PKP2: variants seen among roughly 807,000 people sequenced by gnomAD.
The protein encoded by PKP2 is plakophilin-2.
Under a neutral mutation model 83.4 loss-of-function variants are expected in PKP2, and 73 were observed. That is an observed-to-expected ratio of 0.88 (90% confidence interval 0.72 to 1.06). The LOEUF is 1.06. Ranked by LOEUF, PKP2 falls within the 50% of genes least tolerant of loss-of-function variation. PKP2 has a pLI of 0.00. For synonymous variants in PKP2, 409 were observed against 430.4 expected (o/e 0.95, Z 0.62); for missense variants, 966 against 1,065.4 (o/e 0.91, Z 1.30).
intron 7 of PKP2, 99 bp from the exon 8 acceptor site, chr12:32,822,730 G>C (rs1956394296): frequency 1.5e-6 from 2 of 1,320,746 alleles, no homozygotes; most frequent in Non-Finnish European, 2.2e-6. Flanking sequence ...AGGTTTACCA[G>C]ATGCAACTGG....
At chr12:32,795,150 T>C (rs1392131776) in intron 11 of PKP2, among the ~76,000 whole-genome samples, 2 of 152,114 alleles carry the variant, frequency 1.3e-5, no homozygotes, top group African/African-American at 2.4e-5. Flanking sequence ...AATTAACTAA[T>C]AGTAAATAAT....
chr12:32,873,177 G>A (rs1283566827), intron 3 of PKP2, among the ~76,000 whole-genome samples: 1 of 152,138 alleles, frequency 6.6e-6, no homozygotes, highest in Non-Finnish European at 1.5e-5. Flanking sequence ...ATGGCTGACT[G>A]CAGCCTGGAC....
chr12:32,896,555 C>G lies in PKP2; in HGVS notation c.177G>C (p.Gln59His). ...CCTTCCGGGCGAGGGTCTGCTGCAC[C>G]TGCTCCTGGATCCGCAGGCTCTTGA... ...QTVKSLRIQE[Q>H]VQQTLARKGR... The change falls in exon 1 of 13, where the codon CAG becomes CAC. Residue 59 changes from glutamine (Q) to histidine (H), a missense_variant. Transcript: ENST00000340811. 1 of 1,588,202 alleles carries G rather than the reference C, an allele frequency of 6.3e-7. No individual in the cohort carries two copies. The highest frequency in any genetic ancestry group is 8.5e-7 in the Non-Finnish European group (1 of 1,175,148).
chr12:32,792,451 G>A lies in PKP2; in HGVS notation c.2487C>T (p.Ala829=), dbSNP rs747191995. 1.1e-4 allele frequency: 181 copies of A among 1,613,642 alleles called. No homozygotes were observed. Among genetic ancestry groups the A allele is most frequent in the Non-Finnish European group, 1.5e-4 (178 of 1,179,702 alleles). ...AGTCTTTAAGGGAGTGGTAGGCTTT[G>A]GCAGTCCGGCTGTTGACAAAATCTG... The part of the protein sequence containing the change: ...KKTDFVNSRT[A]KAYHSLKD Residue 829 remains alanine, a synonymous_variant, in exon 13 of 13, where the codon GCC becomes GCT. Transcript: ENST00000340811.
intron 1 of PKP2, among the ~76,000 whole-genome samples, chr12:32,895,025 C>T (rs1480583480): frequency 6.6e-6 from 1 of 152,078 alleles, no homozygotes; most frequent in Admixed American, 6.6e-5. Context: ...TTGTATTAAT[C>T]ATTTTAAAAC....
chr12:32,796,842 G>A (rs531578846), intron 10 of PKP2, among the ~76,000 whole-genome samples: 2 of 152,256 alleles, frequency 1.3e-5, no homozygotes, highest in African/African-American at 4.8e-5. Flanking sequence ...TAATTTGGCA[G>A]AAATGTCAAG....
intron 1 of PKP2, among the ~76,000 whole-genome samples, chr12:32,881,093 G>A (rs1413589743): frequency 6.6e-6 from 1 of 152,166 alleles, no homozygotes; most frequent in Non-Finnish European, 1.5e-5. Flanking sequence ...CATTCAAGGG[G>A]AGGGAGAATG....
intron 6 of PKP2, among the ~76,000 whole-genome samples, chr12:32,836,179 C>T (rs1011570443): frequency 3.3e-5 from 5 of 152,176 alleles, no homozygotes; most frequent in Admixed American, 2.0e-4. Flanking sequence ...ATGGTTATCC[C>T]TATTGCAAAA....
chr12:32,829,881 G>A (rs1401762051), intron 6 of PKP2, among the ~76,000 whole-genome samples: 3 of 151,936 alleles, frequency 2.0e-5, no homozygotes, highest in South Asian at 4.2e-4. Flanking sequence ...GGCTACTCTC[G>A]AACTCCTGAC....
At chr12:32,886,353 C>A (rs527806966) in intron 1 of PKP2, among the ~76,000 whole-genome samples, 2 of 152,292 alleles carry the variant, frequency 1.3e-5, no homozygotes, top group South Asian at 4.1e-4. Flanking sequence ...GATCTTGCCA[C>A]TTATTCAGAG....
At chr12:32,864,146 C>T (rs1956825610) in intron 4 of PKP2, among the ~76,000 whole-genome samples, 2 of 152,132 alleles carry the variant, frequency 1.3e-5, no homozygotes, top group South Asian at 2.1e-4. Flanking sequence ...GGAAGTTCTT[C>T]AACTTGATAT....
chr12:32,840,192 T>C (rs563864207), intron 6 of PKP2, among the ~76,000 whole-genome samples: 96 of 152,246 alleles, frequency 6.3e-4, no homozygotes, highest in Non-Finnish European at 1.2e-3. Context: ...GTGCTGGACC[T>C]GTGGCCAGCT....
intron 9 of PKP2, among the ~76,000 whole-genome samples, chr12:32,807,879 G>A (rs934095472): frequency 3.9e-5 from 6 of 152,304 alleles, no homozygotes; most frequent in African/African-American, 9.6e-5. Context: ...GGCTTGTAGG[G>A]TTTCTGCTGA....
At chr12:32,817,593 A>G (rs1956331857) in intron 9 of PKP2, among the ~76,000 whole-genome samples, 1 of 152,192 alleles carries the variant, frequency 6.6e-6, no homozygotes, top group Non-Finnish European at 1.5e-5. Context: ...TTTTGATAGC[A>G]TAAGTTATTA....
At chr12:32,809,298 G>T (rs1233772382) in intron 9 of PKP2, among the ~76,000 whole-genome samples, 2 of 152,030 alleles carry the variant, frequency 1.3e-5, no homozygotes, top group Non-Finnish European at 2.9e-5. Flanking sequence ...AGCAGTTTGG[G>T]CACAATCTGG....
chr12:32,807,797 G>A (rs1956240196), intron 9 of PKP2, among the ~76,000 whole-genome samples: 1 of 152,070 alleles, frequency 6.6e-6, no homozygotes, highest in Non-Finnish European at 1.5e-5. Context: ...AGGTTAGTTT[G>A]GCTGAAAATG....
intron 4 of PKP2, among the ~76,000 whole-genome samples, chr12:32,861,044 C>A (rs1956793635): frequency 6.6e-6 from 1 of 151,862 alleles, no homozygotes; most frequent in Admixed American, 6.6e-5. Context: ...AACAAACAAA[C>A]AAACAAACAA....
intron 9 of PKP2, among the ~76,000 whole-genome samples, chr12:32,806,132 T>A (rs1183083601): frequency 6.6e-6 from 1 of 152,196 alleles, no homozygotes; most frequent in East Asian, 1.9e-4. Context: ...TACTAAGGAT[T>A]TTTGTATCTA....
chr12:32,853,408 A>C (rs961847555), intron 4 of PKP2, among the ~76,000 whole-genome samples: 16 of 151,836 alleles, frequency 1.1e-4, no homozygotes, highest in South Asian at 2.1e-4. Flanking sequence ...AAAAAAAAAA[A>C]AAAACCAAAA....
Sources: gnomAD v4.1 joint callset for allele counts (sites outside exome capture counted in the v4.1 genomes callset) on GRCh38, gnomAD v4.1.1 for gene constraint, MANE v1.5 for transcripts, NCBI Gene and HGNC (gene_info 2026-07-23, HGNC 2026-07-21) for gene names.